Variants in PLEKHM3 observed in about 807,000 individuals in gnomAD.
The protein encoded by PLEKHM3 is pleckstrin homology domain containing M3, also known as pleckstrin homology domain-containing family M member 3.
PLEKHM3 carries 45 observed loss-of-function variants against 81.8 expected under a neutral mutation model. That is an observed-to-expected ratio of 0.55 (90% CI 0.43 to 0.71). The LOEUF (loss-of-function observed/expected upper bound fraction) is 0.71. Ranked by LOEUF, PLEKHM3 falls within the 30% of genes least tolerant of loss-of-function variation. The pLI, the probability that PLEKHM3 is intolerant of heterozygous loss-of-function variation, is 0.00. For missense variants in PLEKHM3, 788 were observed against 924.3 expected (o/e 0.85, Z 1.91); for synonymous variants, 352 against 356.4 (o/e 0.99, Z 0.14).
chr2:207,834,833 CTTT>C (rs2105882901), intron 7 of PLEKHM3, among the ~76,000 whole-genome samples: 1 of 152,260 alleles, frequency 6.6e-6, no homozygotes, highest in South Asian at 2.1e-4. Flanking sequence ...TTTTCTGCTT[CTTT>C]ATGTCCTACC....
chr2:207,901,364 A>G (rs1688420911), intron 6 of PLEKHM3: 2 of 702,886 alleles, frequency 2.8e-6, no homozygotes, highest in Non-Finnish European at 5.2e-6. Flanking sequence ...CACCTTGCTA[A>G]TCACCTGCTT....
Position 207,826,979 on chromosome 2 carries a change from T to C in PLEKHM3, c.*1340A>G, listed in dbSNP as rs1012597410. 1 of 152,176 alleles carries C rather than the reference T, an allele frequency of 6.6e-6. No homozygotes were observed. Among genetic ancestry groups the C allele is most frequent in the Non-Finnish European group, 1.5e-5 (1 of 68,028 alleles). The allele number at this position is 152,176 out of a possible 1,614,324, so 9.4% of individuals were successfully genotyped here. On this transcript the variant is annotated 3_prime_UTR_variant, in exon 8 of 8. Transcript: ENST00000427836. ...CTGCCACGTGCTCTTCCAAGGGCACTGCAGCTGGAGAACACTACCTGCCAA... is the reference window on the plus strand; with the variant it reads ...CTGCCACGTGCTCTTCCAAGGGCACCGCAGCTGGAGAACACTACCTGCCAA...
chr2:207,866,405 C>A (rs1348568116), intron 6 of PLEKHM3, among the ~76,000 whole-genome samples: 1 of 152,176 alleles, frequency 6.6e-6, no homozygotes, highest in African/African-American at 2.4e-5. Context: ...GATCTGCCTG[C>A]CTCGGCCTCC....
chr2:207,847,767 C>A (rs1023932316), intron 7 of PLEKHM3, among the ~76,000 whole-genome samples: 5 of 152,200 alleles, frequency 3.3e-5, no homozygotes, highest in Admixed American at 2.0e-4. Flanking sequence ...TTTCCTTTAG[C>A]TGCTTCTAGG....
intron 1 of PLEKHM3, among the ~76,000 whole-genome samples, chr2:208,006,975 T>C (rs566998222): frequency 2.0e-5 from 3 of 152,198 alleles, no homozygotes; most frequent in Non-Finnish European, 4.4e-5. Flanking sequence ...ATGAATACAG[T>C]AGTTCTCCCA....
intron 6 of PLEKHM3, among the ~76,000 whole-genome samples, chr2:207,907,114 TA>T (rs1473890190): frequency 6.6e-6 from 1 of 152,186 alleles, no homozygotes; most frequent in Non-Finnish European, 1.5e-5. Flanking sequence ...GTTGTTGATT[TA>T]AATGATTAAC....
chr2:207,858,029 T>C (rs1227318211), intron 7 of PLEKHM3, among the ~76,000 whole-genome samples: 1 of 151,794 alleles, frequency 6.6e-6, no homozygotes, highest in East Asian at 1.9e-4. Flanking sequence ...TTCATTTTCA[T>C]TCATTTCAAA....
At chr2:207,840,695 T>A (rs1164393879) in intron 7 of PLEKHM3, among the ~76,000 whole-genome samples, 1 of 152,160 alleles carries the variant, frequency 6.6e-6, no homozygotes, top group Non-Finnish European at 1.5e-5. Flanking sequence ...ATATCTTTCA[T>A]ATTAAGGAAA....
intron 2 of PLEKHM3, among the ~76,000 whole-genome samples, chr2:207,978,874 A>AT (rs1691420272): frequency 6.6e-6 from 1 of 152,200 alleles, no homozygotes; most frequent in African/African-American, 2.4e-5. Flanking sequence ...ATAATAGCTT[A>AT]TTTACATGTC....
intron 6 of PLEKHM3, among the ~76,000 whole-genome samples, chr2:207,898,417 C>G (rs549349905): frequency 6.6e-6 from 1 of 152,270 alleles, no homozygotes; most frequent in East Asian, 1.9e-4. Flanking sequence ...GCAGGAATAC[C>G]AATCAACATA....
intron 6 of PLEKHM3, among the ~76,000 whole-genome samples, chr2:207,899,772 T>C (rs1477162564): frequency 2.0e-5 from 3 of 152,198 alleles, no homozygotes; most frequent in Non-Finnish European, 4.4e-5. Flanking sequence ...ATGTCACAGT[T>C]GGTAGTGAAA....
At chr2:207,995,757 T>A (rs1692098947) in intron 2 of PLEKHM3, among the ~76,000 whole-genome samples, 1 of 152,188 alleles carries the variant, frequency 6.6e-6, no homozygotes, top group Admixed American at 6.5e-5. Context: ...CTGGGCTCTC[T>A]CACTCACCCT....
intron 2 of PLEKHM3, among the ~76,000 whole-genome samples, chr2:207,997,286 G>A (rs879205579): frequency 6.6e-6 from 1 of 152,110 alleles, no homozygotes; most frequent in East Asian, 1.9e-4. Flanking sequence ...CCTCAGAAAG[G>A]CTCAAGAGCC....
At chr2:207,877,927 C>T (rs1038938436) in intron 6 of PLEKHM3, among the ~76,000 whole-genome samples, 2 of 152,132 alleles carry the variant, frequency 1.3e-5, no homozygotes, top group African/African-American at 4.8e-5. Context: ...TGTGCCGTCA[C>T]TGCTCTAGGC....
chr2:207,921,841 ACT>A (rs1242414084), intron 5 of PLEKHM3, among the ~76,000 whole-genome samples: 1 of 151,646 alleles, frequency 6.6e-6, no homozygotes, highest in Admixed American at 6.6e-5. Flanking sequence ...ACAGGATTTC[ACT>A]CTTTTTTATG....
At chr2:207,956,189 G>C (rs568727301) in intron 3 of PLEKHM3, among the ~76,000 whole-genome samples, 22 of 152,308 alleles carry the variant, frequency 1.4e-4, no homozygotes, top group African/African-American at 5.1e-4. Flanking sequence ...TGAGTGCTCA[G>C]AGTGAGAAGT....
intron 1 of PLEKHM3, among the ~76,000 whole-genome samples, chr2:208,015,249 G>C (rs779485335): frequency 1.3e-5 from 2 of 152,054 alleles, no homozygotes; most frequent in Non-Finnish European, 1.5e-5. Flanking sequence ...GTAGAAACAA[G>C]ACTCTAAGAT....
Position 207,928,295 on chromosome 2 carries a change from G to A in PLEKHM3, c.1886+2631C>T, listed in dbSNP as rs1383766013. On this transcript the variant is annotated intron_variant, in intron 5 of 7. Coordinates refer to ENST00000427836, the MANE Select transcript of PLEKHM3 (RefSeq NM_001080475.3). The stretch of plus-strand genomic sequence containing the variant: ...TGGAGAAGCAAGCACTGTATAAGCA[G>A]AAACTACAGGCCTGGGCCCAGCTAG... Among the ~76,000 whole-genome samples, 7 of 152,346 alleles carry A rather than the reference G, an allele frequency of 4.6e-5. No individual in the cohort carries two copies. The South Asian group carries it at 1.4e-3, about 32-fold the overall frequency.
intron 6 of PLEKHM3, among the ~76,000 whole-genome samples, chr2:207,887,457 C>T (rs1404577104): frequency 6.6e-6 from 1 of 152,108 alleles, no homozygotes; most frequent in Admixed American, 6.5e-5. Context: ...TTTAGGTAAA[C>T]AAGGCTGCCC....
Sources: allele counts gnomAD v4.1 joint callset (sites outside exome capture counted in the v4.1 genomes callset), GRCh38; gene constraint gnomAD v4.1.1; transcripts MANE v1.5; gene names NCBI Gene and HGNC (gene_info 2026-07-23, HGNC 2026-07-21).